GSE1: variants seen among roughly 807,000 people sequenced by gnomAD.
GSE1 encodes genetic suppressor element 1.
GSE1 carries 32 observed loss-of-function variants against 112.6 expected under a neutral mutation model. The ratio of observed to expected loss-of-function variants is 0.28; its 90% CI spans 0.21 to 0.38. The LOEUF is 0.38. Ranked by LOEUF, GSE1 falls within the 10% of genes least tolerant of loss-of-function variation. GSE1 has a pLI of 1.00. For missense variants in GSE1, 2,348 were observed against 1,699.2 expected, an observed-to-expected ratio of 1.38 and a Z score of -6.71; for synonymous variants, 1,115 against 735.6, an observed-to-expected ratio of 1.52 and a Z score of -8.35.
chr16:85,590,344 C>T (rs567478466), intron 1 of GSE1, among the ~76,000 whole-genome samples: 7 of 140,794 alleles, frequency 5.0e-5, no homozygotes, highest in African/African-American at 1.1e-4. Flanking sequence ...GTGATTAACG[C>T]GTGGGCCTGC....
chr16:85,319,907 A>AAAT (rs1337547150), intron 1 of GSE1, among the ~76,000 whole-genome samples: 2 of 152,188 alleles, frequency 1.3e-5, no homozygotes, highest in African/African-American at 4.8e-5. Context: ...GGTGCTCAAT[A>AAAT]AATGCTTGTT....
intron 2 of GSE1, among the ~76,000 whole-genome samples, chr16:85,445,975 C>G (rs972501700): frequency 6.6e-6 from 1 of 152,248 alleles, no homozygotes; most frequent in Admixed American, 6.5e-5. Context: ...ATTTACCTAA[C>G]AGGCTTGGGA....
intron 2 of GSE1, among the ~76,000 whole-genome samples, chr16:85,469,330 CA>C (rs890940346): frequency 1.5e-4 from 23 of 152,082 alleles, no homozygotes; most frequent in African/African-American, 5.5e-4. Flanking sequence ...AACACAGACA[CA>C]GGGGCGGCCA....
rs1597366901 is a variant in GSE1, at chr16:85,311,682, T to C, written c.2284-45781T>C. On this transcript the variant is annotated intron_variant, in intron 1 of 2. Coordinates refer to the GSE1 transcript ENST00000637419. This position sits in a 1 kb window ranked among gnomAD's most constrained non-coding sequence, Gnocchi z 4.2. ...GGCCTGGTGGCTCTGTCTGTGGCTC[T>C]CTTGGGGCCCTGGATACCTCCTGCC... Among the ~76,000 whole-genome samples the C allele has an allele frequency of 6.6e-6, 1 of 152,144 alleles. No individual in the cohort carries two copies. Among genetic ancestry groups the C allele is most frequent in the East Asian group, 1.9e-4 (1 of 5,178 alleles).
At chr16:85,320,382 C>G (rs1038712270) in intron 1 of GSE1, among the ~76,000 whole-genome samples, 1 of 152,252 alleles carries the variant, frequency 6.6e-6, no homozygotes, top group Non-Finnish European at 1.5e-5. Context: ...CAGTTTTCAC[C>G]TGGTGAATCC....
chr16:85,235,177 C>G (rs1597864749), intron 1 of GSE1, among the ~76,000 whole-genome samples: 1 of 152,174 alleles, frequency 6.6e-6, no homozygotes, highest in Non-Finnish European at 1.5e-5. Flanking sequence ...TGTCCTTTCT[C>G]CCCAGGCTGG....
At chr16:85,555,344 C>A (rs58152479), upstream of GSE1, 7 of 985,036 alleles carry the variant, frequency 7.1e-6, no homozygotes, top group African/African-American at 1.7e-5. Flanking sequence ...CCTTCCACCC[C>A]CTCTCTCTGA....
chr16:85,552,135 C>T (rs949999363), upstream of GSE1, among the ~76,000 whole-genome samples: 1 of 151,922 alleles, frequency 6.6e-6, no homozygotes, highest in African/African-American at 2.4e-5. Context: ...ACACCATTCT[C>T]TTGCCTCAGC....
chr16:85,639,222 G>A (rs1248731385), intron 2 of GSE1, among the ~76,000 whole-genome samples: 7 of 152,194 alleles, frequency 4.6e-5, no homozygotes, highest in African/African-American at 7.2e-5. Flanking sequence ...TCCCTTCGAC[G>A]CAGCTGGGCC....
chr16:85,306,382 G>C (rs2045679444), intron 1 of GSE1: 1 of 154,042 alleles, frequency 6.5e-6, no homozygotes, highest in Admixed American at 6.5e-5. Flanking sequence ...GAGGGAAGTG[G>C]GGCTGCGTCA....
intron 1 of GSE1, among the ~76,000 whole-genome samples, chr16:85,265,570 C>G (rs542397661): frequency 6.6e-6 from 1 of 152,172 alleles, no homozygotes; most frequent in African/African-American, 2.4e-5. Flanking sequence ...CTCCTCATCT[C>G]GGGCATAACC....
intron 2 of GSE1, among the ~76,000 whole-genome samples, chr16:85,467,526 G>A (rs1286854317): frequency 6.6e-6 from 1 of 151,578 alleles, no homozygotes; most frequent in East Asian, 1.9e-4. Context: ...CTTGTGCCTG[G>A]TGTTTGTGCT....
chr16:85,666,735 G>A, intron 13 of GSE1: 1 of 233,782 alleles, frequency 4.3e-6, no homozygotes. Context: ...TGTTTTTCAA[G>A]ACAGAGATGC....
intron 1 of GSE1, among the ~76,000 whole-genome samples, chr16:85,330,929 G>A (rs1255510213): frequency 2.0e-5 from 3 of 152,060 alleles, no homozygotes; most frequent in African/African-American, 7.2e-5. Context: ...CTTAAGACAC[G>A]TGGGAGCTGT....
intron 1 of GSE1, among the ~76,000 whole-genome samples, chr16:85,294,677 C>A (rs547924356): frequency 2.2e-4 from 31 of 143,456 alleles, no homozygotes; most frequent in East Asian, 8.4e-4. Context: ...CTCTCCCCCC[C>A]CTTCCCTCCC....
rs774665351 is a variant in GSE1 at position 85,661,410 on chromosome 16, G to C, written c.1905G>C (p.Glu635Asp). ...GGGTCTTCTGCCCGGAGAAAGCAGA[G>C]GAGGGGCCACGGAAGCGTGAGCCTG... Reference protein sequence around the residue: ...VERVFCPEKAEEGPRKREPAP... With the variant: ...VERVFCPEKADEGPRKREPAP... The change falls in exon 9 of 16, where the codon GAG becomes GAC. Residue 635 changes from glutamate to aspartate, a missense_variant. Coordinates refer to ENST00000253458, the MANE Select transcript of GSE1 (RefSeq NM_014615.5). 6.2e-7 allele frequency: 1 copy of C among 1,612,352 alleles called. No individual in the cohort carries two copies. Among genetic ancestry groups the C allele is most frequent in the South Asian group, 1.1e-5 (1 of 91,058 alleles).
At chr16:85,182,464 G>A (rs531342253) in intron 1 of GSE1, among the ~76,000 whole-genome samples, 169 of 152,298 alleles carry the variant, frequency 1.1e-3, no homozygotes, top group African/African-American at 3.8e-3. Context: ...AGGGGGGATC[G>A]CTGCTTCTCC....
chr16:85,413,180 C>A (rs2048622134), intron 2 of GSE1, among the ~76,000 whole-genome samples: 1 of 152,258 alleles, frequency 6.6e-6, no homozygotes, highest in Admixed American at 6.5e-5. Flanking sequence ...GGAAGTGCCG[C>A]TCCCATCCGG....
intron 1 of GSE1, among the ~76,000 whole-genome samples, chr16:85,621,500 CAT>C (rs1463425782): frequency 3.1e-4 from 47 of 152,186 alleles, no homozygotes; most frequent in African/African-American, 1.0e-3. Flanking sequence ...CCTAAATGTA[CAT>C]CTTATAAGAC....
Sources: allele counts gnomAD v4.1 joint callset (sites outside exome capture counted in the v4.1 genomes callset), GRCh38; gene constraint gnomAD v4.1.1; non-coding constraint Gnocchi (gnomAD v3.1); transcripts MANE v1.5; gene names NCBI Gene and HGNC (gene_info 2026-07-23, HGNC 2026-07-21).